The following LDB2 variants were observed in gnomAD, a reference collection of about 807,000 sequenced individuals.
LDB2 encodes LIM domain binding 2, also known as LIM domain-binding protein 2.
LDB2 carries 12 observed loss-of-function variants against 44.3 expected under a neutral mutation model. The observed-to-expected ratio is 0.27, with a 90% CI of 0.17 to 0.44. The LOEUF (loss-of-function observed/expected upper bound fraction) is 0.44. LDB2 is among the 20% of genes least tolerant of loss of function. The pLI is 1.00. For synonymous variants in LDB2, 164 were observed against 174.8 expected, an observed-to-expected ratio of 0.94 and a Z score of 0.49; for missense variants, 344 against 473.5, an observed-to-expected ratio of 0.73 and a Z score of 2.54.
intron 2 of LDB2, among the ~76,000 whole-genome samples, chr4:16,692,433 C>A (rs1751006304): frequency 6.6e-6 from 1 of 152,148 alleles, no homozygotes; most frequent in African/African-American, 2.4e-5. Context: ...CTGCCAGCAG[C>A]AGCAAAAGGG....
At chr4:16,679,031 A>T (rs1165103541) in intron 2 of LDB2, among the ~76,000 whole-genome samples, 1 of 152,242 alleles carries the variant, frequency 6.6e-6, no homozygotes, top group Non-Finnish European at 1.5e-5. Flanking sequence ...TAGGTTATAG[A>T]GACAAATCAT....
chr4:16,675,254 T>C (rs760762909), intron 2 of LDB2, among the ~76,000 whole-genome samples: 7 of 152,214 alleles, frequency 4.6e-5, no homozygotes, highest in Non-Finnish European at 7.3e-5. Flanking sequence ...CCTGACTTAA[T>C]TCAGATTTCA....
intron 1 of LDB2, among the ~76,000 whole-genome samples, chr4:16,864,547 T>C (rs1713954268): frequency 6.6e-6 from 1 of 152,160 alleles, no homozygotes; most frequent in Non-Finnish European, 1.5e-5. Context: ...AGAGTATTAA[T>C]TAAAGGCCCT....
At chr4:16,684,234 G>C (rs952565286) in intron 2 of LDB2, among the ~76,000 whole-genome samples, 1 of 152,190 alleles carries the variant, frequency 6.6e-6, no homozygotes, top group Admixed American at 6.5e-5. Context: ...TTAGTGACGT[G>C]ATAAAAGTCT....
intron 2 of LDB2, among the ~76,000 whole-genome samples, chr4:16,641,594 C>G (rs1411381508): frequency 1.3e-5 from 2 of 152,102 alleles, no homozygotes; most frequent in African/African-American, 4.8e-5. Flanking sequence ...AGGTCCCAGA[C>G]TCTTTTTAAC....
At chr4:16,621,587 C>T (rs1728894308) in intron 2 of LDB2, among the ~76,000 whole-genome samples, 1 of 152,096 alleles carries the variant, frequency 6.6e-6, no homozygotes, top group Non-Finnish European at 1.5e-5. Flanking sequence ...GGGTCTTGCT[C>T]TGTTACCCTG....
chr4:16,511,877 G>C (rs1308813951), intron 6 of LDB2, 104 bp downstream of exon 6: 1 of 1,312,752 alleles, frequency 7.6e-7, no homozygotes. Flanking sequence ...TAAGCTACTT[G>C]TCCTGATAAA....
chr4:16,746,770 G>C (rs1452608893), intron 2 of LDB2, among the ~76,000 whole-genome samples: 2 of 152,230 alleles, frequency 1.3e-5, no homozygotes, highest in Non-Finnish European at 2.9e-5. Context: ...CTGGGCAACA[G>C]AGTGAGGCTC....
chr4:16,672,368 G>T (rs1359945898), intron 2 of LDB2, among the ~76,000 whole-genome samples: 1 of 152,152 alleles, frequency 6.6e-6, no homozygotes, highest in East Asian at 1.9e-4. Flanking sequence ...TGCAGGAAGG[G>T]AACAGATGGG....
chr4:16,655,167 C>T (rs1739418287), intron 2 of LDB2, among the ~76,000 whole-genome samples: 1 of 152,132 alleles, frequency 6.6e-6, no homozygotes, highest in African/African-American at 2.4e-5. Context: ...CCATTCTGAG[C>T]CCAGCATGTG....
chr4:16,795,685 T>C (rs1384786631), intron 1 of LDB2, among the ~76,000 whole-genome samples: 1 of 152,130 alleles, frequency 6.6e-6, no homozygotes, highest in African/African-American at 2.4e-5. Flanking sequence ...ATGACACTGA[T>C]CTGTAATTTG....
intron 1 of LDB2, among the ~76,000 whole-genome samples, chr4:16,872,213 C>T (rs767962974): frequency 6.6e-6 from 1 of 151,978 alleles, no homozygotes; most frequent in Non-Finnish European, 1.5e-5. Flanking sequence ...TGGGTCTCTA[C>T]TCAGGGACAT....
At chr4:16,663,368 T>G (rs1033875786) in intron 2 of LDB2, among the ~76,000 whole-genome samples, 4 of 152,192 alleles carry the variant, frequency 2.6e-5, no homozygotes, top group Non-Finnish European at 4.4e-5. Context: ...AAGCTATTAA[T>G]TGGGACGTAA....
chr4:16,539,648 C>A (rs1398795419), intron 5 of LDB2, among the ~76,000 whole-genome samples: 1 of 152,012 alleles, frequency 6.6e-6, no homozygotes, highest in Non-Finnish European at 1.5e-5. Flanking sequence ...AAACTTGTGC[C>A]AAATTTATTC....
At chr4:16,743,818 C>T (rs1561072539) in intron 2 of LDB2, among the ~76,000 whole-genome samples, 1 of 152,146 alleles carries the variant, frequency 6.6e-6, no homozygotes, top group African/African-American at 2.4e-5. Flanking sequence ...GGCAGAGCAC[C>T]CAGCAACCTA....
chr4:16,531,619 T>C (rs150112127), intron 5 of LDB2, among the ~76,000 whole-genome samples: 1 of 152,318 alleles, frequency 6.6e-6, no homozygotes, highest in East Asian at 1.9e-4. Flanking sequence ...CCCTGGCAAC[T>C]CCCTCAGGTT....
intron 1 of LDB2, among the ~76,000 whole-genome samples, chr4:16,829,974 G>A (rs140121211): frequency 0.012 from 1,901 of 152,184 alleles, 43 homozygotes; most frequent in African/African-American, 0.043. Flanking sequence ...GCGTGGTGCC[G>A]TGTGCCTGTA....
chr4:16,635,675 GA>G (rs34681655), intron 2 of LDB2, among the ~76,000 whole-genome samples: 3 of 150,880 alleles, frequency 2.0e-5, no homozygotes, highest in Admixed American at 6.6e-5. Flanking sequence ...AGAAGGAAAA[GA>G]AAAAAAAATA....
intron 1 of LDB2, among the ~76,000 whole-genome samples, chr4:16,844,248 CAAAAA>C (rs34034796): frequency 3.3e-5 from 1 of 30,060 alleles, no homozygotes; most frequent in Non-Finnish European, 5.6e-5. Context: ...ACCCTGTCTC[CAAAAA>C]AAAAAAAAAA....
Sources: gnomAD v4.1 joint callset for allele counts (sites outside exome capture counted in the v4.1 genomes callset) on GRCh38, gnomAD v4.1.1 for gene constraint, MANE v1.5 for transcripts, NCBI Gene and HGNC (gene_info 2026-07-23, HGNC 2026-07-21) for gene names.